PCDHA1: variants seen among roughly 807,000 people sequenced by gnomAD.
PCDHA1 encodes protocadherin alpha 1, also known as protocadherin alpha-1.
Under a neutral mutation model 61.3 loss-of-function variants are expected in PCDHA1, and 42 were observed. That is an observed-to-expected ratio of 0.69 (90% CI 0.54 to 0.89). The LOEUF is 0.89. Ranked by LOEUF, PCDHA1 falls within the 40% of genes least tolerant of loss-of-function variation. PCDHA1 has a pLI of 0.00. For synonymous variants in PCDHA1, 610 were observed against 553.8 expected (o/e 1.10, Z -1.43); for missense variants, 1,256 against 1,235.3 (o/e 1.02, Z -0.25).
chr5:140,995,113 A>T (rs560699104), intron 3 of PCDHA1, among the ~76,000 whole-genome samples: 1 of 152,370 alleles, frequency 6.6e-6, no homozygotes, highest in East Asian at 1.9e-4. Flanking sequence ...CAAGACCCTC[A>T]GTGGATGCCT....
rs115129184 is a variant in PCDHA1, at chr5:140,964,722, A to G, written c.2395-14227A>G. 3.1e-3 allele frequency among the ~76,000 whole-genome samples: 468 copies of G among 152,140 alleles called. 3 individuals are homozygous for G. The highest frequency in any genetic ancestry group is 5.1e-3 in the Non-Finnish European group (346 of 67,996). On this transcript the variant is annotated intron_variant, in intron 1 of 3. Transcript: ENST00000504120. ...AAGGCCTCCGAGATCAAATTACCAC[A>G]GCAAACTGAGACAGAATTATTGTAG...
At position 140,928,087 on chromosome 5, in the gene PCDHA1, A is replaced by T. The variant is rs1554205462; in HGVS notation, c.2395-50862A>T. On this transcript the variant is annotated intron_variant, in intron 1 of 3. Coordinates refer to ENST00000504120, the MANE Select transcript of PCDHA1 (RefSeq NM_018900.4). The stretch of plus-strand genomic sequence containing the variant: ...CTTTGACAACTACTACAGCCTGCTG[A>T]TTGATGGGCCCCTGGACCGGGAGCA... 3.1e-6 allele frequency: 5 copies of T among 1,614,022 alleles called. No individual in the cohort carries two copies. In the African/African-American group the frequency reaches 5.3e-5, roughly 17 times the overall value.
intron 1 of PCDHA1, chr5:140,809,255 G>A (rs150467607): frequency 4.3e-6 from 7 of 1,613,950 alleles, no homozygotes; most frequent in South Asian, 2.2e-5. Flanking sequence ...TGTGGGTCCC[G>A]ATGCTGCGCT....
intron 1 of PCDHA1, among the ~76,000 whole-genome samples, chr5:140,948,380 C>T (rs1554218531): frequency 2.6e-5 from 4 of 151,612 alleles, no homozygotes; most frequent in African/African-American, 4.8e-5. Flanking sequence ...GTTCCTTCCT[C>T]TATTTTCTGA....
chr5:140,930,591 CAT>C (rs1554207939), intron 1 of PCDHA1: 1 of 152,406 alleles, frequency 6.6e-6, no homozygotes, highest in African/African-American at 2.4e-5. Flanking sequence ...TTTGACTTCT[CAT>C]AGAAATCCTA....
At chr5:140,876,455 C>T (rs1554168573) in intron 1 of PCDHA1, 1 of 1,613,874 alleles carries the variant, frequency 6.2e-7, no homozygotes, top group African/African-American at 1.3e-5. Flanking sequence ...AAAGGGATTC[C>T]TTCCATGGCA....
At chr5:140,844,643 T>C (rs1405874201) in intron 1 of PCDHA1, among the ~76,000 whole-genome samples, 1 of 149,602 alleles carries the variant, frequency 6.7e-6, no homozygotes, top group Non-Finnish European at 1.5e-5. Context: ...CATGATAATT[T>C]CATTCTTGCA....
intron 1 of PCDHA1, chr5:140,842,572 A>C (rs2150339542): frequency 0.42 from 640,316 of 1,537,946 alleles, 166,648 homozygotes; most frequent in South Asian, 0.52. Context: ...ACCGCGAGAG[A>C]GTGTCGGCCT....
chr5:141,006,177 AAG>A (rs2098258661), intron 3 of PCDHA1, among the ~76,000 whole-genome samples: 2 of 151,826 alleles, frequency 1.3e-5, no homozygotes, highest in African/African-American at 4.8e-5. Context: ...ATATTTTTAA[AAG>A]AGTTTGCTAT....
chr5:141,007,551 GA>G (rs1554261384), intron 3 of PCDHA1, among the ~76,000 whole-genome samples: 1 of 152,140 alleles, frequency 6.6e-6, no homozygotes, highest in African/African-American at 2.4e-5. Flanking sequence ...TTGGGCAACA[GA>G]GCAAGGCTCT....
At chr5:140,992,517 G>C (rs78765218) in intron 3 of PCDHA1, among the ~76,000 whole-genome samples, 388 of 152,300 alleles carry the variant, frequency 2.5e-3, no homozygotes, top group African/African-American at 8.8e-3. Flanking sequence ...GGGCATGGTA[G>C]CTAATGGAAA....
chr5:140,788,102 C>G lies in PCDHA1; in HGVS notation c.1812C>G (p.Asn604Lys), dbSNP rs782172657. 1 of 1,614,004 alleles carries G rather than the reference C, an allele frequency of 6.2e-7. No individual in the cohort carries two copies. Among genetic ancestry groups the G allele is most frequent in the South Asian group, 1.1e-5 (1 of 91,078 alleles). The change falls in exon 1 of 4, where the codon AAC (asparagine) becomes AAG (lysine). Residue 604 changes from asparagine (N) to lysine (K), a missense_variant. By Grantham distance (94) the Asn-to-Lys change is moderately conservative. Transcript: ENST00000504120. ...VRAVDADSGY[N>K]AWLSYELQPA... ...CAGTGGACGCCGACTCGGGCTACAACGCGTGGCTGTCCTATGAACTGCAGC... is the reference window on the plus strand; with the variant it reads ...CAGTGGACGCCGACTCGGGCTACAAGGCGTGGCTGTCCTATGAACTGCAGC...
chr5:140,903,587 G>A (rs62384486), intron 1 of PCDHA1, among the ~76,000 whole-genome samples: 1 of 152,156 alleles, frequency 6.6e-6, no homozygotes, highest in African/African-American at 2.4e-5. Context: ...GCTGGTGTTG[G>A]CCTGATAAAT....
In PCDHA1 at chr5:140,787,121, C is replaced by T. The variant is rs1761351717; in HGVS notation, c.831C>T (p.Val277=). The part of the protein sequence containing the change: ...SDADEGVNGE[V]VFSFDSGISR... ...CTGACGAAGGTGTAAATGGTGAAGT[C>T]GTCTTTTCCTTTGACAGTGGTATTT... Residue 277 remains valine, a synonymous_variant, in exon 1 of 4, where the codon GTC becomes GTT. Coordinates refer to ENST00000504120, the MANE Select transcript of PCDHA1 (RefSeq NM_018900.4). The T allele has an allele frequency of 6.2e-7, 1 of 1,614,004 alleles. No individual in the cohort carries two copies. The highest frequency in any genetic ancestry group is 8.5e-7 in the Non-Finnish European group (1 of 1,180,020).
chr5:140,852,094 C>A, intron 1 of PCDHA1: 2 of 907,306 alleles, frequency 2.2e-6, no homozygotes, highest in Non-Finnish European at 2.7e-6. Flanking sequence ...AATATTGTGT[C>A]AGATATTTTA....
chr5:140,951,922 T>C (rs191831107), intron 1 of PCDHA1, among the ~76,000 whole-genome samples: 135 of 152,266 alleles, frequency 8.9e-4, no homozygotes, highest in Non-Finnish European at 1.0e-3. Flanking sequence ...AACAAGTTAG[T>C]TACTCCCAAG....
At chr5:140,966,927 C>A in intron 1 of PCDHA1, 1 of 1,603,516 alleles carries the variant, frequency 6.2e-7, no homozygotes, top group Non-Finnish European at 8.5e-7. Context: ...GAGCAGGCAC[C>A]CGGCGCGCTC....
chr5:140,859,256 G>C lies in PCDHA1; in HGVS notation c.2394+70572G>C, dbSNP rs182882850. On this transcript the variant is annotated intron_variant, in intron 1 of 3. Transcript: ENST00000504120. Reference sequence around the variant, plus strand: ...TCATGCTTATGTTTAATAATGAAGAGAATTTGAACACTTTTTACTTTTGAG... The same window carrying C: ...TCATGCTTATGTTTAATAATGAAGACAATTTGAACACTTTTTACTTTTGAG... 3 of 131,348 alleles carry C rather than the reference G, an allele frequency of 2.3e-5. 1 individual carries two copies. The highest frequency in any genetic ancestry group is 5.3e-5 in the Non-Finnish European group (3 of 56,988). The allele number at this position is 131,348 out of a possible 1,614,324, so 8.1% of individuals were successfully genotyped here.
At chr5:140,884,688 C>T in intron 1 of PCDHA1, 1 of 1,535,868 alleles carries the variant, frequency 6.5e-7, no homozygotes, top group Non-Finnish European at 8.8e-7. Context: ...AAAAAATTGT[C>T]TTAGTAAACA....
Sources: gnomAD v4.1 joint callset for allele counts (sites outside exome capture counted in the v4.1 genomes callset) on GRCh38, gnomAD v4.1.1 for gene constraint, MANE v1.5 for transcripts, NCBI Gene and HGNC (gene_info 2026-07-23, HGNC 2026-07-21) for gene names.